DNAH11: variants seen among roughly 807,000 people sequenced by gnomAD.
DNAH11 encodes axonemal beta dynein heavy chain 11.
In DNAH11, 442 loss-of-function variants were observed where a neutral mutation model predicts 526.0. The ratio of observed to expected loss-of-function variants is 0.84; its 90% CI spans 0.78 to 0.91. The LOEUF (loss-of-function observed/expected upper bound fraction) is 0.91, where lower values mean the gene tolerates loss of function less well. Ranked by LOEUF, DNAH11 falls within the 40% of genes least tolerant of loss-of-function variation. The pLI, the probability that DNAH11 is intolerant of heterozygous loss-of-function variation, is 0.00. For missense variants in DNAH11, 6,989 were observed against 5,448.7 expected (o/e 1.28, Z -8.90); for synonymous variants, 2,461 against 1,935.9 (o/e 1.27, Z -7.12).
At chr7:21,606,344 G>T in intron 18 of DNAH11, 82 bp from the exon 19 acceptor site, 2 of 1,121,860 alleles carry the variant, frequency 1.8e-6, no homozygotes, top group Non-Finnish European at 2.5e-6. Context: ...AAAAAAGAAA[G>T]AAATTAGAGT....
In DNAH11 at chr7:21,702,633, T is replaced by G. The variant is rs1014120914; in HGVS notation, c.6181-77T>G. On this transcript the variant is annotated intron_variant, in intron 36 of 81. Coordinates refer to ENST00000409508, the MANE Select transcript of DNAH11 (RefSeq NM_001277115.2). ...TTTATCTGAACTCCTTCTTAAAAAC[T>G]TTCAGCTCTTACCTCTGGAATGAGA... 1.1e-5 allele frequency: 14 copies of G among 1,265,182 alleles called. 1 individual carries two copies. In the African/African-American group the frequency reaches 1.3e-4, roughly 12 times the overall value. 78.4% of individuals were successfully genotyped at this position (1,265,182 alleles called of 1,614,324 possible). A position where few individuals can be genotyped will look rare whatever the true frequency, so the allele number is the denominator to read the frequency against.
intron 28 of DNAH11, among the ~76,000 whole-genome samples, chr7:21,643,700 A>C (rs1368696844): frequency 1.1e-4 from 17 of 152,218 alleles, no homozygotes; most frequent in Admixed American, 1.1e-3. Context: ...TTGCCCCTGC[A>C]TATTGTATGA....
At chr7:21,716,868 C>G (rs1583622378) in intron 42 of DNAH11, among the ~76,000 whole-genome samples, 1 of 152,124 alleles carries the variant, frequency 6.6e-6, no homozygotes, top group East Asian at 1.9e-4. Context: ...ATTTAATAAA[C>G]TCTATTGTGA....
At position 21,704,584 on chromosome 7, in the gene DNAH11, A is replaced by C. The variant is rs1184059266; in HGVS notation, c.6424A>C (p.Thr2142Pro). 6 of 1,612,022 alleles carry C rather than the reference A, an allele frequency of 3.7e-6. No homozygotes were observed. Among genetic ancestry groups the C allele is most frequent in the Non-Finnish European group, 8.5e-7 (1 of 1,179,348 alleles). ...CTTTGAACAGATGGTCAGGCAGTCT[A>C]CCCTGGAGCTCCGCCTGCAGCCTGA... ...LHFEQMVRQS[T>P]LELRLQPEES... The change falls in exon 38 of 82, where the codon ACC (threonine) becomes CCC (proline). Residue 2142 changes from threonine to proline, a missense_variant. Transcript: ENST00000409508.
intron 65 of DNAH11, among the ~76,000 whole-genome samples, chr7:21,831,604 C>T (rs956527274): frequency 3.9e-5 from 6 of 152,174 alleles, no homozygotes; most frequent in South Asian, 2.1e-4. Flanking sequence ...TCCTCCCCCC[C>T]TCTATTAACC....
chr7:21,749,140 CAGG>C (rs1786290579), intron 52 of DNAH11, among the ~76,000 whole-genome samples: 1 of 152,032 alleles, frequency 6.6e-6, no homozygotes. Flanking sequence ...TGGATAAGAA[CAGG>C]AGAAGAAGAT....
chr7:21,705,920 G>A (rs1376641468), intron 39 of DNAH11, among the ~76,000 whole-genome samples: 1 of 152,050 alleles, frequency 6.6e-6, no homozygotes, highest in Non-Finnish European at 1.5e-5. Context: ...AGAGACTGTG[G>A]AATAAGATAT....
At chr7:21,664,690 G>T (rs1176503968) in intron 30 of DNAH11, among the ~76,000 whole-genome samples, 1 of 151,942 alleles carries the variant, frequency 6.6e-6, no homozygotes, top group African/African-American at 2.4e-5. Flanking sequence ...TGAACTCCAG[G>T]CTTGAAGCAA....
intron 25 of DNAH11, among the ~76,000 whole-genome samples, chr7:21,621,581 C>G (rs1046422188): frequency 6.6e-6 from 1 of 152,112 alleles, no homozygotes; most frequent in Non-Finnish European, 1.5e-5. Flanking sequence ...CAGTAAAATA[C>G]TGGCAAACTG....
intron 52 of DNAH11, 96 bp from the exon 53 acceptor site, chr7:21,749,582 C>T (rs868144914): frequency 2.6e-5 from 39 of 1,511,396 alleles, no homozygotes; most frequent in Middle Eastern, 1.8e-4. Context: ...AGTGCTATGG[C>T]GATACAGTTA....
intron 51 of DNAH11, among the ~76,000 whole-genome samples, chr7:21,747,558 C>T (rs1278951280): frequency 6.6e-6 from 1 of 152,084 alleles, no homozygotes; most frequent in Non-Finnish European, 1.5e-5. Context: ...CCATCTTTTG[C>T]TAAAGTTAAA....
chr7:21,619,368 T>C (rs1276258051), intron 24 of DNAH11, 146 bp downstream of exon 24: 5 of 896,300 alleles, frequency 5.6e-6, no homozygotes, highest in Non-Finnish European at 8.3e-6. Context: ...AGGTGTGGGA[T>C]GAGCAGGAAC....
chr7:21,830,358 G>T (rs1403808018), intron 65 of DNAH11, among the ~76,000 whole-genome samples: 1 of 152,156 alleles, frequency 6.6e-6, no homozygotes, highest in Non-Finnish European at 1.5e-5. Context: ...TTCGGTAGTT[G>T]TTGCTATTCC....
chr7:21,864,787 G>C, intron 70 of DNAH11, 130 bp downstream of exon 70: 1 of 844,276 alleles, frequency 1.2e-6, no homozygotes, highest in Non-Finnish European at 1.7e-6. Context: ...GAAATGCACT[G>C]TATAATGTGA....
chr7:21,894,499 A>C (rs1784437395), intron 77 of DNAH11, 124 bp from the exon 78 acceptor site: 1 of 998,990 alleles, frequency 1.0e-6, no homozygotes, highest in African/African-American at 1.6e-5. Context: ...CTTCACATGC[A>C]TTTGCAGGCA....
intron 28 of DNAH11, among the ~76,000 whole-genome samples, chr7:21,645,236 C>T (rs1389023353): frequency 1.3e-5 from 2 of 152,300 alleles, no homozygotes; most frequent in Non-Finnish European, 2.9e-5. Flanking sequence ...TTTGATGTCA[C>T]TTGATGAAGG....
chr7:21,870,707 C>G (rs1378234582), intron 73 of DNAH11, among the ~76,000 whole-genome samples: 1 of 152,134 alleles, frequency 6.6e-6, no homozygotes, highest in Non-Finnish European at 1.5e-5. Flanking sequence ...CCTAAAATTG[C>G]AAGTTGTAAA....
At chr7:21,785,204 C>G (rs1026010871) in intron 58 of DNAH11, among the ~76,000 whole-genome samples, 1 of 152,102 alleles carries the variant, frequency 6.6e-6, no homozygotes, top group Admixed American at 6.5e-5. Flanking sequence ...TCTTAAGATT[C>G]CATTTCAAAA....
At chr7:21,593,273 C>T (rs1039517287) in intron 14 of DNAH11, among the ~76,000 whole-genome samples, 1 of 152,148 alleles carries the variant, frequency 6.6e-6, no homozygotes, top group Non-Finnish European at 1.5e-5. Context: ...GAGGCTAACC[C>T]TCAGATCTGG....
Sources: gnomAD v4.1 joint callset for allele counts (sites outside exome capture counted in the v4.1 genomes callset) on GRCh38, gnomAD v4.1.1 for gene constraint, MANE v1.5 for transcripts, NCBI Gene and HGNC (gene_info 2026-07-23, HGNC 2026-07-21) for gene names.